The following CD34 variants were observed in gnomAD, a reference collection of about 807,000 sequenced individuals.
CD34 encodes CD34 molecule, also known as hematopoietic progenitor cell antigen CD34.
In CD34, 34 loss-of-function variants were observed where a neutral mutation model predicts 40.1. The observed-to-expected ratio is 0.85, with a 90% CI of 0.65 to 1.13. The LOEUF (loss-of-function observed/expected upper bound fraction) is 1.13. Ranked by LOEUF, CD34 falls within the 50% of genes most tolerant of loss-of-function variation. CD34 has a pLI of 0.00. For synonymous variants in CD34, 209 were observed against 190.0 expected, an observed-to-expected ratio of 1.10 and a Z score of -0.82; for missense variants, 426 against 466.9, an observed-to-expected ratio of 0.91 and a Z score of 0.81.
chr1:207,911,108 C>T lies in CD34; in HGVS notation c.-28G>A. On this transcript the variant is annotated 5_prime_UTR_variant, in exon 1 of 8. Coordinates refer to ENST00000310833, the MANE Select transcript of CD34 (RefSeq NM_001025109.2). ...TTCCCGCGCGGCTCCTAGAGAGACG[C>T]ACCGAGTGGAAGACACTACTCGGCT... 1 of 1,553,814 alleles carries T rather than the reference C, an allele frequency of 6.4e-7. No homozygotes were observed. The highest frequency in any genetic ancestry group is 8.7e-7 in the Non-Finnish European group (1 of 1,153,120).
At chr1:207,893,595 A>G (rs927476712) in intron 4 of CD34, among the ~76,000 whole-genome samples, 2 of 152,172 alleles carry the variant, frequency 1.3e-5, no homozygotes, top group African/African-American at 4.8e-5. Flanking sequence ...TTCATCTGTA[A>G]CTTATGTTTT....
chr1:207,889,588 C>A lies in CD34; in HGVS notation c.631G>T (p.Ala211Ser). Residue 211 changes from alanine (A) to serine (S), a missense_variant, in exon 5 of 8, where the codon GCC (alanine) becomes TCC (serine). Transcript: ENST00000310833. ...EFKKDRGEGL[A>S]RVLCGEEQAD... ...TGCTCCTCCCCACACAGCACTCGGG[C>A]CAGGCCCTCTCCCCTGTCCTTCTTA... 6.2e-7 allele frequency: 1 copy of A among 1,614,058 alleles called. No individual in the cohort carries two copies. The highest frequency in any genetic ancestry group is 8.5e-7 in the Non-Finnish European group (1 of 1,179,958).
At chr1:207,900,836 G>A (rs1051025976) in intron 1 of CD34, among the ~76,000 whole-genome samples, 2 of 151,890 alleles carry the variant, frequency 1.3e-5, no homozygotes, top group African/African-American at 4.8e-5. Context: ...CTTAAGTAAG[G>A]GTCTTTTCTG....
rs541152883 is a variant in CD34, at chr1:207,902,160, G to T, written c.80-2157C>A. 3.9e-5 allele frequency among the ~76,000 whole-genome samples: 6 copies of T among 152,322 alleles called. No homozygotes were observed. The East Asian group carries it at 1.2e-3, about 29-fold the overall frequency. On this transcript the variant is annotated intron_variant, in intron 1 of 7. Transcript: ENST00000310833. ...TGTCTTACTGTTATGTGTCAGGTAA[G>T]CAGTGGGGAGAAGGAATATCACTAT...
At chr1:207,898,584 T>C (rs972101855) in intron 3 of CD34, among the ~76,000 whole-genome samples, 12 of 152,204 alleles carry the variant, frequency 7.9e-5, no homozygotes, top group Admixed American at 5.2e-4. Context: ...GGAAATGTTA[T>C]TTGTCCTAAC....
chr1:207,892,376 G>T (rs1365960644), intron 4 of CD34, among the ~76,000 whole-genome samples: 1 of 152,148 alleles, frequency 6.6e-6, no homozygotes, highest in African/African-American at 2.4e-5. Context: ...CCAAGGGTTC[G>T]AGACCAGCCT....
intron 1 of CD34, among the ~76,000 whole-genome samples, chr1:207,910,510 C>G (rs964808521): frequency 6.6e-6 from 1 of 152,194 alleles, no homozygotes; most frequent in African/African-American, 2.4e-5. Context: ...ATTCGCTTCC[C>G]TCGAATTCCT....
chr1:207,902,144 G>A (rs1011645989), intron 1 of CD34, among the ~76,000 whole-genome samples: 1 of 152,178 alleles, frequency 6.6e-6, no homozygotes, highest in Non-Finnish European at 1.5e-5. Flanking sequence ...GTGTCTTACT[G>A]TTATGTGTCA....
intron 1 of CD34, among the ~76,000 whole-genome samples, chr1:207,906,388 A>T (rs958147469): frequency 4.6e-5 from 7 of 152,300 alleles, no homozygotes; most frequent in African/African-American, 1.7e-4. Flanking sequence ...GGGCTGTCCA[A>T]CTCTGAGGCC....
chr1:207,909,855 G>GCAGCTGTCCC (rs1662465252), intron 1 of CD34, among the ~76,000 whole-genome samples: 1 of 152,210 alleles, frequency 6.6e-6, no homozygotes, highest in South Asian at 2.1e-4. Flanking sequence ...CAGCCCAGGG[G>GCAGCTGTCCC]CAGCTGTCCC....
rs1480389352 is a variant in CD34 at position 207,882,184 on chromosome 1, T to A, written c.*5554A>T. The A allele has an allele frequency of 6.6e-6, 1 of 152,210 alleles. No homozygotes were observed. The highest frequency in any genetic ancestry group is 2.4e-5 in the African/African-American group (1 of 41,442). The allele number at this position is 152,210 out of a possible 1,614,324, so 9.4% of individuals were successfully genotyped here. On this transcript the variant is annotated 3_prime_UTR_variant, in exon 8 of 8. Transcript: ENST00000310833. Reference sequence around the variant, plus strand: ...ATATGTAGAGAGAAGAAGGCAGAATTGGGAGGGACTTTTGGACTCAAGGAA... The same window carrying A: ...ATATGTAGAGAGAAGAAGGCAGAATAGGGAGGGACTTTTGGACTCAAGGAA...
chr1:207,888,398 T>G (rs899878474), intron 7 of CD34, among the ~76,000 whole-genome samples: 7 of 152,200 alleles, frequency 4.6e-5, no homozygotes, highest in Non-Finnish European at 8.8e-5. Context: ...CCTGTTCTGG[T>G]GGCCCCAAGC....
intron 4 of CD34, among the ~76,000 whole-genome samples, chr1:207,892,088 T>C (rs1158896308): frequency 3.3e-5 from 5 of 152,016 alleles, no homozygotes; most frequent in African/African-American, 4.8e-5. Flanking sequence ...AACACTACCT[T>C]CTCCCTGGTA....
At chr1:207,903,435 T>C (rs1225945372) in intron 1 of CD34, among the ~76,000 whole-genome samples, 1 of 152,202 alleles carries the variant, frequency 6.6e-6, no homozygotes, top group African/African-American at 2.4e-5. Flanking sequence ...CCCACAAGGC[T>C]ACAAGAATTA....
chr1:207,902,147 A>G (rs1662284210), intron 1 of CD34, among the ~76,000 whole-genome samples: 1 of 152,188 alleles, frequency 6.6e-6, no homozygotes. Flanking sequence ...TCTTACTGTT[A>G]TGTGTCAGGT....
At chr1:207,889,091 T>TC (rs1200038807) in intron 6 of CD34, 70 bp downstream of exon 6, 13 of 1,012,050 alleles carry the variant, frequency 1.3e-5, no homozygotes, top group Admixed American at 6.8e-5. Flanking sequence ...GATAATGACT[T>TC]CCCCCCTTAC....
In CD34 at chr1:207,899,978, G is replaced by T; in HGVS notation, c.105C>A (p.Asn35Lys). ...GTAACTCTGGGGTAGCAGTACCGTT[G>T]TTGTCAAGACTCATGAACCCAGAAG... ...LLPSGFMSLD[N>K]NGTATPELPT... Residue 35 changes from asparagine (N) to lysine (K), a missense_variant, in exon 2 of 8, where the codon AAC becomes AAA. Transcript: ENST00000310833. 3.7e-6 allele frequency: 6 copies of T among 1,612,354 alleles called. No homozygotes were observed. Among genetic ancestry groups the T allele is most frequent in the Non-Finnish European group, 5.1e-6 (6 of 1,179,024 alleles).
Position 207,887,487 on chromosome 1 carries a change from C to T in CD34, c.*251G>A, listed in dbSNP as rs1661925686. The T allele has an allele frequency of 3.9e-6, 2 of 514,078 alleles. No individual in the cohort carries two copies. Among genetic ancestry groups the T allele is most frequent in the Admixed American group, 6.6e-5 (2 of 30,476 alleles). The allele number at this position is 514,078 out of a possible 1,614,324, so 31.8% of individuals were successfully genotyped here. Reference sequence around the variant, plus strand: ...ATTGTTCCTGGGAGCTTCTCCAGACCTTGGCTTTCCCCCGTCACACGTTTA... The same window carrying T: ...ATTGTTCCTGGGAGCTTCTCCAGACTTTGGCTTTCCCCCGTCACACGTTTA... On this transcript the variant is annotated 3_prime_UTR_variant, in exon 8 of 8. Coordinates refer to ENST00000310833, the MANE Select transcript of CD34 (RefSeq NM_001025109.2).
At chr1:207,893,723 T>A (rs1662082008) in intron 4 of CD34, among the ~76,000 whole-genome samples, 1 of 152,192 alleles carries the variant, frequency 6.6e-6, no homozygotes, top group African/African-American at 2.4e-5. Context: ...TAAACAGATG[T>A]GGTACTAAAG....
Sources: gnomAD v4.1 joint callset for allele counts (sites outside exome capture counted in the v4.1 genomes callset) on GRCh38, gnomAD v4.1.1 for gene constraint, MANE v1.5 for transcripts, NCBI Gene and HGNC (gene_info 2026-07-23, HGNC 2026-07-21) for gene names.